CNGA1: variants seen among roughly 807,000 people sequenced by gnomAD.
CNGA1 encodes cyclic nucleotide-gated channel alpha-1.
A neutral mutation model predicts 69.7 loss-of-function variants in CNGA1; 53 were observed. The observed-to-expected ratio is 0.76, with a 90% confidence interval of 0.61 to 0.96. CNGA1 has a LOEUF of 0.96. CNGA1 is among the 40% of genes least tolerant of loss of function. The pLI is 0.00. For missense variants in CNGA1, 739 were observed against 811.2 expected (o/e 0.91, Z 1.08); for synonymous variants, 249 against 283.5 (o/e 0.88, Z 1.22).
chr4:47,959,076 C>A (rs1253151555), intron 3 of CNGA1: 1 of 152,052 alleles, frequency 6.6e-6, no homozygotes, highest in Non-Finnish European at 1.5e-5. Context: ...TTTATGTGAT[C>A]AATCAACAAA....
intron 2 of CNGA1, among the ~76,000 whole-genome samples, chr4:47,982,766 T>C (rs1008281109): frequency 3.3e-5 from 5 of 152,182 alleles, no homozygotes; most frequent in African/African-American, 9.7e-5. Flanking sequence ...CATTTTCCTA[T>C]TATTGGATAT....
At chr4:47,993,573 C>T (rs550518563) in intron 2 of CNGA1, among the ~76,000 whole-genome samples, 1 of 152,018 alleles carries the variant, frequency 6.6e-6, no homozygotes, top group East Asian at 1.9e-4. Context: ...TGGATTTTCT[C>T]TCTTCTTTTC....
At chr4:47,984,663 T>C (rs10026880) in intron 2 of CNGA1, among the ~76,000 whole-genome samples, 2,431 of 127,184 alleles carry the variant, frequency 0.019, 32 homozygotes, top group East Asian at 0.068. Context: ...TATATATATA[T>C]ACACACACAC....
intron 2 of CNGA1, among the ~76,000 whole-genome samples, chr4:48,004,367 T>G (rs1043798725): frequency 7.2e-5 from 11 of 152,142 alleles, no homozygotes; most frequent in African/African-American, 2.2e-4. Flanking sequence ...CCCAGCTGTC[T>G]TTTTTTAATC....
chr4:47,967,272 C>T (rs1578094434), intron 3 of CNGA1, among the ~76,000 whole-genome samples: 1 of 152,244 alleles, frequency 6.6e-6, no homozygotes, highest in Non-Finnish European at 1.5e-5. Flanking sequence ...CACTGCACTC[C>T]TGCCTGGGCG....
At chr4:47,939,898 G>T (rs1738964816) in intron 10 of CNGA1, among the ~76,000 whole-genome samples, 1 of 152,172 alleles carries the variant, frequency 6.6e-6, no homozygotes, top group South Asian at 2.1e-4. Context: ...CCCTATCGTG[G>T]ACGCTTGGGT....
At chr4:47,955,512 A>G (rs2110167364) in intron 3 of CNGA1, among the ~76,000 whole-genome samples, 1 of 152,214 alleles carries the variant, frequency 6.6e-6, no homozygotes, top group East Asian at 1.9e-4. Flanking sequence ...TGATTGGTCT[A>G]TGCTATGAGA....
intron 3 of CNGA1, among the ~76,000 whole-genome samples, chr4:47,974,708 AG>A: frequency 8.9e-6 from 1 of 112,094 alleles, no homozygotes; most frequent in Non-Finnish European, 2.0e-5. Flanking sequence ...TGCAGAACTA[AG>A]TTTTTTTTTT....
At chr4:47,993,250 G>A (rs1410062686) in intron 2 of CNGA1, among the ~76,000 whole-genome samples, 2 of 152,026 alleles carry the variant, frequency 1.3e-5, no homozygotes, top group African/African-American at 4.8e-5. Flanking sequence ...GTGGAATAGT[G>A]TCAGTAGAAT....
intron 10 of CNGA1, 36 bp from the exon 11 acceptor site, chr4:47,937,865 C>T (rs755876741): frequency 6.6e-7 from 1 of 1,504,172 alleles, no homozygotes; most frequent in South Asian, 1.1e-5. Flanking sequence ...AGTGTTTCTC[C>T]TTTTTATGTC....
chr4:47,989,647 A>T (rs559249733), intron 2 of CNGA1, among the ~76,000 whole-genome samples: 28 of 152,112 alleles, frequency 1.8e-4, no homozygotes, highest in African/African-American at 3.1e-4. Context: ...TTAAAAAAAA[A>T]TTTTTTTTGT....
Position 47,937,440 on chromosome 4 carries a change from T to A in CNGA1, c.1042A>T (p.Ser348Cys), listed in dbSNP as rs764845127. The A allele has an allele frequency of 6.2e-7, 1 of 1,614,186 alleles. No individual in the cohort carries two copies. Among genetic ancestry groups the A allele is most frequent in the South Asian group, 1.1e-5 (1 of 91,086 alleles). ...AAAGTCAGTGTAGACCAGTAAAGGC[T>A]GTATACGTATTTTCTAGCCAAACGG... ...FGRLARKYVY[S>C]LYWSTLTLTT... Residue 348 changes from serine (S) to cysteine (C), a missense_variant, in exon 11 of 11, where the codon AGC (serine) becomes TGC (cysteine). Transcript: ENST00000514170.
chr4:48,002,211 A>G (rs1714691008), intron 2 of CNGA1, among the ~76,000 whole-genome samples: 1 of 152,230 alleles, frequency 6.6e-6, no homozygotes, highest in Non-Finnish European at 1.5e-5. Flanking sequence ...TATCAATTAA[A>G]ATTTAAAAAT....
chr4:47,940,440 T>A (rs183174395), intron 10 of CNGA1, among the ~76,000 whole-genome samples: 32 of 152,316 alleles, frequency 2.1e-4, no homozygotes, highest in Non-Finnish European at 4.0e-4. Flanking sequence ...TTACATTATC[T>A]CCCTGTTAGC....
chr4:47,954,877 A>G (rs1310415448), intron 3 of CNGA1, among the ~76,000 whole-genome samples: 3 of 152,096 alleles, frequency 2.0e-5, no homozygotes, highest in Non-Finnish European at 4.4e-5. Flanking sequence ...GACTATGCAA[A>G]TTTATTTGGA....
In CNGA1 at chr4:47,943,255, G is replaced by C; in HGVS notation, c.363C>G (p.Asp121Glu). The C allele has an allele frequency of 6.4e-7, 1 of 1,569,952 alleles. No homozygotes were observed. The highest frequency in any genetic ancestry group is 8.6e-7 in the Non-Finnish European group (1 of 1,157,452). ...CCTTTTTCTTCTTTTTCTTCTCTGG[G>C]TCGTTTTTATTTTCGTTTTTATCAT... ...KSDDKNENKN[D>E]PEKKKKKKDK... Residue 121 changes from aspartate to glutamate, a missense_variant, in exon 8 of 11, where the codon GAC becomes GAG. Transcript: ENST00000514170.
chr4:47,956,847 C>T (rs1740119159), intron 3 of CNGA1, among the ~76,000 whole-genome samples: 1 of 152,158 alleles, frequency 6.6e-6, no homozygotes, highest in Non-Finnish European at 1.5e-5. Flanking sequence ...TTAGGAGAAA[C>T]ATTAATGGTC....
At chr4:47,977,697 T>C (rs1268974728) in intron 3 of CNGA1, among the ~76,000 whole-genome samples, 3 of 152,208 alleles carry the variant, frequency 2.0e-5, no homozygotes, top group African/African-American at 2.4e-5. Context: ...CCTTATACAG[T>C]GCCTTATACA....
chr4:47,937,849 C>A lies in CNGA1; in HGVS notation c.653-20G>T. On this transcript the variant is annotated intron_variant, in intron 10 of 10. Transcript: ENST00000514170. ...GGTAACCTAAAATAGAAAATAAAAT[C>A]AATTCAGTGTTTCTCCTTTTTATGT... 1.3e-6 allele frequency: 2 copies of A among 1,564,340 alleles called. No individual in the cohort carries two copies. Among genetic ancestry groups the A allele is most frequent in the South Asian group, 2.2e-5 (2 of 89,604 alleles).
Sources: gnomAD v4.1 joint callset for allele counts (sites outside exome capture counted in the v4.1 genomes callset) on GRCh38, gnomAD v4.1.1 for gene constraint, MANE v1.5 for transcripts, NCBI Gene and HGNC (gene_info 2026-07-23, HGNC 2026-07-21) for gene names.